Variants in ARHGAP21 observed in about 807,000 individuals in gnomAD.
The protein encoded by ARHGAP21 is Rho GTPase activating protein 21, also known as rho GTPase-activating protein 21.
Under a neutral mutation model 164.6 loss-of-function variants are expected in ARHGAP21, and 38 were observed. That is an observed-to-expected ratio of 0.23 (90% CI 0.18 to 0.30). The LOEUF is 0.30. Among genes scored for constraint, ARHGAP21 ranks in the 10% least tolerant of loss-of-function variants. ARHGAP21 has a pLI of 1.00. For missense variants in ARHGAP21, 1,822 were observed against 2,370.7 expected (o/e 0.77, Z 4.81); for synonymous variants, 766 against 857.9 (o/e 0.89, Z 1.87).
At chr10:24,681,660 C>T (rs1841770165) in intron 2 of ARHGAP21, among the ~76,000 whole-genome samples, 1 of 151,416 alleles carries the variant, frequency 6.6e-6, no homozygotes, top group Admixed American at 6.6e-5. Context: ...TTCCATTTTA[C>T]CATCAATATT....
chr10:24,672,765 T>C (rs540200565), intron 2 of ARHGAP21, among the ~76,000 whole-genome samples: 77 of 152,230 alleles, frequency 5.1e-4, no homozygotes, highest in African/African-American at 1.8e-3. Context: ...GGTGAAAAGA[T>C]AACTAGGTGG....
Position 24,628,898 on chromosome 10 carries a change from C to CAT in ARHGAP21, c.495+1096_495+1097dup, listed in dbSNP as rs1390429497. ...ACATATATACACATATATATACATA[C>CAT]ATATATACACATATATACACATATA... On this transcript the variant is annotated intron_variant, in intron 7 of 25. Coordinates refer to ENST00000396432, the MANE Select transcript of ARHGAP21 (RefSeq NM_020824.4). 3.4e-3 allele frequency: 246 copies of CAT among 72,646 alleles called. 6 individuals carry two copies. In the East Asian group the frequency reaches 0.057, roughly 17 times the overall value. The allele number at this position is 72,646 out of a possible 1,614,324, so 4.5% of individuals were successfully genotyped here.
chr10:24,591,648 C>A lies in ARHGAP21; in HGVS notation c.4038G>T (p.Glu1346Asp). 6.2e-7 allele frequency: 1 copy of A among 1,614,056 alleles called. No homozygotes were observed. Among genetic ancestry groups the A allele is most frequent in the Non-Finnish European group, 8.5e-7 (1 of 1,179,968 alleles). ...DWFFTEEGAE[E>D]PLTTVQEEST... ...GCTGACAGACAATACTTACAAGAGGCTCTTCAGCACCTTCTTCTGTGAAAA... is the reference window on the plus strand; with the variant it reads ...GCTGACAGACAATACTTACAAGAGGATCTTCAGCACCTTCTTCTGTGAAAA... Residue 1346 changes from glutamate to aspartate, a missense_variant, in exon 23 of 26, where the codon GAG (glutamate) becomes GAT (aspartate). Physicochemically the swap from Glu to Asp is conservative, Grantham distance 45. Around this residue, in one of 5 missense-constraint regions of ARHGAP21, gnomAD observed 333 missense variants for 383.9 expected, o/e 0.87. Coordinates refer to ENST00000396432, the MANE Select transcript of ARHGAP21 (RefSeq NM_020824.4).
At chr10:24,600,552 T>A in intron 14 of ARHGAP21, 94 bp downstream of exon 14, 2 of 1,422,182 alleles carry the variant, frequency 1.4e-6, no homozygotes, top group Non-Finnish European at 1.9e-6. Flanking sequence ...ACATTATAAT[T>A]TTTTTATAAA....
chr10:24,718,852 C>G (rs934194971), intron 2 of ARHGAP21, among the ~76,000 whole-genome samples: 3 of 151,308 alleles, frequency 2.0e-5, no homozygotes, highest in African/African-American at 7.3e-5. Context: ...TATTACTGGA[C>G]AAGAGTATGG....
intron 23 of ARHGAP21, 139 bp downstream of exon 23, chr10:24,591,503 G>C (rs935975055): frequency 8.4e-7 from 1 of 1,195,736 alleles, no homozygotes; most frequent in African/African-American, 1.5e-5. Flanking sequence ...ATATTCATTA[G>C]ATCAGAAACT....
chr10:24,717,520 T>G (rs1289986989), intron 2 of ARHGAP21, among the ~76,000 whole-genome samples: 2 of 151,900 alleles, frequency 1.3e-5, no homozygotes, highest in African/African-American at 2.4e-5. Flanking sequence ...GGAAGCAGTA[T>G]TGAAGAAAAG....
chr10:24,677,088 T>A (rs978609530), intron 2 of ARHGAP21, among the ~76,000 whole-genome samples: 2 of 151,944 alleles, frequency 1.3e-5, no homozygotes, highest in Non-Finnish European at 2.9e-5. Flanking sequence ...GGCGTGGTGG[T>A]GGGCATCTGT....
Position 24,602,005 on chromosome 10 carries a change from G to C in ARHGAP21, c.2820C>G (p.Phe940Leu). 2 of 1,611,776 alleles carry C rather than the reference G, an allele frequency of 1.2e-6. No homozygotes were observed. The highest frequency in any genetic ancestry group is 1.7e-6 in the Non-Finnish European group (2 of 1,179,790). ...SDAAKEGWLH[F>L]RPLVTDKGKR... ...TGCCCTTATCGGTGACAAGGGGTCG[G>C]AAATGAAGCCACCCTTCCTTGGCAG... The change falls in exon 13 of 26, where the codon TTC (phenylalanine) becomes TTG (leucine). Residue 940 changes from phenylalanine (F) to leucine (L), a missense_variant. This residue lies in a region of ARHGAP21 where 1,090 missense variants were observed against 1,378.9 expected (regional missense o/e 0.79). Coordinates refer to ENST00000396432, the MANE Select transcript of ARHGAP21 (RefSeq NM_020824.4).
chr10:24,640,283 C>G (rs1836864001), intron 4 of ARHGAP21: 2 of 149,580 alleles, frequency 1.3e-5, no homozygotes, highest in South Asian at 4.2e-4. Flanking sequence ...GTGCTATAGG[C>G]TTTAAAATAT....
At chr10:24,665,000 T>TC (rs1185390508) in intron 4 of ARHGAP21, among the ~76,000 whole-genome samples, 4 of 152,016 alleles carry the variant, frequency 2.6e-5, no homozygotes, top group Non-Finnish European at 4.4e-5. Flanking sequence ...AGAAATATAT[T>TC]CCCCCCCATA....
At chr10:24,721,775 T>TG (rs1469522733) in intron 2 of ARHGAP21, 62 bp downstream of exon 2, 6 of 1,591,546 alleles carry the variant, frequency 3.8e-6, no homozygotes, top group Non-Finnish European at 1.7e-6. Flanking sequence ...ACCCCCAACT[T>TG]GCAGGACGCT....
At chr10:24,696,778 C>T (rs1466996382) in intron 2 of ARHGAP21, among the ~76,000 whole-genome samples, 1 of 152,206 alleles carries the variant, frequency 6.6e-6, no homozygotes, top group Non-Finnish European at 1.5e-5. Flanking sequence ...CTGCTAAACA[C>T]GTCTATGTGC....
At chr10:24,677,590 C>T (rs956034479) in intron 2 of ARHGAP21, among the ~76,000 whole-genome samples, 4 of 152,132 alleles carry the variant, frequency 2.6e-5, no homozygotes, top group African/African-American at 7.2e-5. Flanking sequence ...TAGGATTTAG[C>T]GGAGCATAAC....
intron 2 of ARHGAP21, among the ~76,000 whole-genome samples, chr10:24,671,912 T>G (rs146758159): frequency 2.0e-5 from 2 of 102,120 alleles, no homozygotes; most frequent in East Asian, 5.7e-4. Context: ...TTTTTTTTTG[T>G]AGAGACAAGG....
In ARHGAP21 at chr10:24,601,975, T is replaced by TAC; in HGVS notation, c.2847+1_2847+2dup. 1 of 1,571,124 alleles carries TAC rather than the reference T, an allele frequency of 6.4e-7. No individual in the cohort carries two copies. Reference sequence around the variant, plus strand: ...ACTCAGGGTGGCTTAGAAAACACACTACCTTGCCCTTATCGGTGACAAGGG... The same window carrying TAC: ...ACTCAGGGTGGCTTAGAAAACACACTACACCTTGCCCTTATCGGTGACAAGGG... On this transcript the variant is annotated splice_region_variant and intron_variant, in intron 13 of 25. Transcript: ENST00000396432.
chr10:24,599,267 C>T (rs912453980), intron 14 of ARHGAP21, among the ~76,000 whole-genome samples: 1 of 152,152 alleles, frequency 6.6e-6, no homozygotes, highest in Non-Finnish European at 1.5e-5. Flanking sequence ...ATAGTAGGTG[C>T]CTGTTACACA....
At chr10:24,719,688 T>C (rs1462455092) in intron 2 of ARHGAP21, among the ~76,000 whole-genome samples, 1 of 152,192 alleles carries the variant, frequency 6.6e-6, no homozygotes, top group Non-Finnish European at 1.5e-5. Context: ...GTGCTTCTAA[T>C]AAAATTGACG....
intron 9 of ARHGAP21, among the ~76,000 whole-genome samples, chr10:24,610,643 A>T (rs569578224): frequency 3.5e-4 from 54 of 152,286 alleles, no homozygotes; most frequent in African/African-American, 1.2e-3. Flanking sequence ...ATTTCAAATT[A>T]TGTTTCTATT....
Sources: gnomAD v4.1 joint callset for allele counts (sites outside exome capture counted in the v4.1 genomes callset) on GRCh38, gnomAD v4.1.1 for gene constraint, gnomAD v4.1.1 regional missense constraint, MANE v1.5 for transcripts, NCBI Gene and HGNC (gene_info 2026-07-23, HGNC 2026-07-21) for gene names.